TNR: variants seen among roughly 807,000 people sequenced by gnomAD.
TNR encodes the protein tenascin-R.
Under a neutral mutation model 150.4 loss-of-function variants are expected in TNR, and 45 were observed. That is an observed-to-expected ratio of 0.30 (90% confidence interval 0.24 to 0.38). The LOEUF is 0.38. TNR is among the 10% of genes least tolerant of loss of function. The probability of loss-of-function intolerance (pLI) is 1.00; values close to 1 mark genes in which losing one functional copy is unlikely to be tolerated. For synonymous variants in TNR, 687 were observed against 678.4 expected (o/e 1.01, Z -0.20); for missense variants, 1,544 against 1,759.1 (o/e 0.88, Z 2.19).
intron 2 of TNR, among the ~76,000 whole-genome samples, chr1:175,522,100 T>TA (rs1050817483): frequency 1.3e-5 from 2 of 152,218 alleles, no homozygotes; most frequent in African/African-American, 4.8e-5. Flanking sequence ...CATTTCCTTT[T>TA]ATCCACCCCA....
At chr1:175,494,019 C>T (rs1017499782) in intron 2 of TNR, among the ~76,000 whole-genome samples, 10 of 152,306 alleles carry the variant, frequency 6.6e-5, no homozygotes, top group Admixed American at 5.2e-4. Flanking sequence ...TGCTGCTCTC[C>T]CTGTGTCTTC....
At chr1:175,480,742 C>T (rs1657770884) in intron 2 of TNR, among the ~76,000 whole-genome samples, 1 of 152,206 alleles carries the variant, frequency 6.6e-6, no homozygotes. Flanking sequence ...GAATTCAGAA[C>T]ATATCCTCCA....
In TNR at chr1:175,599,574, C is replaced by T. The variant is rs1267568168; in HGVS notation, c.-164-71205G>A. On this transcript the variant is annotated intron_variant, in intron 1 of 22. Coordinates refer to ENST00000367674, the MANE Select transcript of TNR (RefSeq NM_003285.3). This position sits in a 1 kb window ranked among gnomAD's most constrained non-coding sequence, Gnocchi z 4.7. Reference sequence around the variant, plus strand: ...CTGCTGGGCTAGTGTCCCGCATCAGCGGTAATGGGGCCGGCCCACCCGGAG... The same window carrying T: ...CTGCTGGGCTAGTGTCCCGCATCAGTGGTAATGGGGCCGGCCCACCCGGAG... Among the ~76,000 whole-genome samples the T allele has an allele frequency of 1.3e-5, 2 of 152,214 alleles. No homozygotes were observed. The highest frequency in any genetic ancestry group is 4.1e-4 in the South Asian group (2 of 4,834).
intron 1 of TNR, among the ~76,000 whole-genome samples, chr1:175,646,399 C>T (rs1048557168): frequency 3.9e-5 from 6 of 152,340 alleles, no homozygotes; most frequent in Non-Finnish European, 2.9e-5. Flanking sequence ...AGAGCAGGAG[C>T]AGTGCCAGGT....
intron 2 of TNR, among the ~76,000 whole-genome samples, chr1:175,478,639 T>C (rs1370847472): frequency 1.3e-5 from 2 of 152,004 alleles, no homozygotes; most frequent in African/African-American, 4.8e-5. Flanking sequence ...AGCTGCACTT[T>C]CCTTCAGACA....
intron 1 of TNR, among the ~76,000 whole-genome samples, chr1:175,600,054 G>A (rs1327157414): frequency 6.6e-6 from 1 of 152,180 alleles, no homozygotes; most frequent in Non-Finnish European, 1.5e-5. Context: ...TGTCACAGTG[G>A]TTAATTAGCA....
At chr1:175,662,754 C>T (rs986343369) in intron 1 of TNR, among the ~76,000 whole-genome samples, 11 of 152,144 alleles carry the variant, frequency 7.2e-5, no homozygotes, top group African/African-American at 2.2e-4. Flanking sequence ...TGGGGGGCAG[C>T]GTAGGAAGAA....
intron 1 of TNR, among the ~76,000 whole-genome samples, chr1:175,591,764 C>T (rs1468046493): frequency 6.6e-6 from 1 of 152,188 alleles, no homozygotes; most frequent in Non-Finnish European, 1.5e-5. Context: ...TAACTGGGTT[C>T]ATGGTAGAAT....
chr1:175,606,989 C>T (rs935487478), intron 1 of TNR, among the ~76,000 whole-genome samples: 2 of 152,190 alleles, frequency 1.3e-5, no homozygotes, highest in African/African-American at 4.8e-5. Context: ...CACTTCCTCC[C>T]TTACTAGGCT....
intron 2 of TNR, among the ~76,000 whole-genome samples, chr1:175,513,061 G>C (rs1230411940): frequency 6.6e-6 from 1 of 152,174 alleles, no homozygotes; most frequent in African/African-American, 2.4e-5. Context: ...CTAGGGTAAG[G>C]GTCCAGGAAA....
At chr1:175,394,369 A>G (rs1653323701) in intron 5 of TNR, among the ~76,000 whole-genome samples, 1 of 152,222 alleles carries the variant, frequency 6.6e-6, no homozygotes, top group Non-Finnish European at 1.5e-5. Flanking sequence ...AGCTGGCTAA[A>G]GTTGTGGAGC....
chr1:175,706,816 A>G (rs1295666627), intron 1 of TNR, among the ~76,000 whole-genome samples: 2 of 151,874 alleles, frequency 1.3e-5, no homozygotes, highest in Non-Finnish European at 2.9e-5. Context: ...CCACCTCCTT[A>G]CCCCCAAAAA....
intron 1 of TNR, among the ~76,000 whole-genome samples, chr1:175,613,907 A>C (rs1663681504): frequency 6.6e-6 from 1 of 152,298 alleles, no homozygotes; most frequent in African/African-American, 2.4e-5. Flanking sequence ...GAGAGATTTT[A>C]TGGTATCCTG....
chr1:175,572,711 A>G (rs1276442768), intron 1 of TNR, among the ~76,000 whole-genome samples: 1 of 147,148 alleles, frequency 6.8e-6, no homozygotes, highest in Non-Finnish European at 1.5e-5. Flanking sequence ...TTACATATAG[A>G]GAGAATATAT....
chr1:175,391,363 C>G lies in TNR; in HGVS notation c.1432G>C (p.Glu478Gln). ...GCCACCACATTGACAATGTATTCCTCCCCAGGCTTTAGTCCTGTCTGGTTA... is the reference window on the plus strand; with the variant it reads ...GCCACCACATTGACAATGTATTCCTGCCCAGGCTTTAGTCCTGTCTGGTTA... The part of the protein sequence containing the change: ...SFNQTGLKPG[E>Q]EYIVNVVALK... Residue 478 changes from glutamate (E) to glutamine (Q), a missense_variant, in exon 7 of 23, where the codon GAG (glutamate) becomes CAG (glutamine). Physicochemically the swap from Glu to Gln is conservative, Grantham distance 29 (BLOSUM62 2). Transcript: ENST00000367674. 2 of 1,614,150 alleles carry G rather than the reference C, an allele frequency of 1.2e-6. No individual in the cohort carries two copies. The highest frequency in any genetic ancestry group is 1.7e-6 in the Non-Finnish European group (2 of 1,180,020).
chr1:175,611,459 A>G (rs1230231312), intron 1 of TNR, among the ~76,000 whole-genome samples: 1 of 151,980 alleles, frequency 6.6e-6, no homozygotes, highest in East Asian at 1.9e-4. Context: ...CAGCCTCCCA[A>G]GTAGCTGGGA....
At chr1:175,376,594 G>A (rs1275875629) in intron 9 of TNR, among the ~76,000 whole-genome samples, 1 of 152,160 alleles carries the variant, frequency 6.6e-6, no homozygotes, top group East Asian at 1.9e-4. Flanking sequence ...GTTGGAGAGT[G>A]AGTGAGAAAG....
intron 1 of TNR, among the ~76,000 whole-genome samples, chr1:175,609,913 G>C (rs951985093): frequency 6.6e-6 from 1 of 152,072 alleles, no homozygotes; most frequent in Non-Finnish European, 1.5e-5. Context: ...GATTGTTCCA[G>C]GACACAAATA....
chr1:175,445,505 T>C (rs1456783852), intron 2 of TNR, among the ~76,000 whole-genome samples: 11 of 152,192 alleles, frequency 7.2e-5, no homozygotes, highest in Non-Finnish European at 1.5e-4. Context: ...ACAAAAAGTG[T>C]TGACTTTACA....
Sources: allele counts gnomAD v4.1 joint callset (sites outside exome capture counted in the v4.1 genomes callset), GRCh38; gene constraint gnomAD v4.1.1; non-coding constraint Gnocchi (gnomAD v3.1); transcripts MANE v1.5; gene names NCBI Gene and HGNC (gene_info 2026-07-23, HGNC 2026-07-21).